The following DIP2C variants were observed in gnomAD, a reference collection of about 807,000 sequenced individuals.
DIP2C encodes disco-interacting protein 2 homolog C.
DIP2C carries 33 observed loss-of-function variants against 192.4 expected under a neutral mutation model. That is an observed-to-expected ratio of 0.17 (90% CI 0.13 to 0.23). The LOEUF is 0.23. Among genes scored for constraint, DIP2C ranks in the 10% least tolerant of loss-of-function variants. The pLI is 1.00. For missense variants in DIP2C, 1,537 were observed against 2,110.1 expected (o/e 0.73, Z 5.32); for synonymous variants, 979 against 864.1 (o/e 1.13, Z -2.33).
intron 2 of DIP2C, among the ~76,000 whole-genome samples, chr10:482,190 G>A (rs1055024011): frequency 7.2e-5 from 11 of 152,144 alleles, no homozygotes; most frequent in Non-Finnish European, 2.9e-5. Context: ...CATGGCTGTC[G>A]GGAGGGACAG....
chr10:608,160 C>CA (rs1852666548), intron 1 of DIP2C, among the ~76,000 whole-genome samples: 1 of 54,236 alleles, frequency 1.8e-5, no homozygotes, highest in Non-Finnish European at 2.9e-5. Flanking sequence ...ACACACACCC[C>CA]CACAGCCCCC....
chr10:586,431 A>AC (rs1396051492), intron 1 of DIP2C, among the ~76,000 whole-genome samples: 1 of 151,764 alleles, frequency 6.6e-6, no homozygotes, highest in African/African-American at 2.4e-5. Flanking sequence ...TCACGCCACC[A>AC]CCCCTCACTA....
Position 277,717 on chromosome 10 carries a change from G to A in DIP2C, c.4419-140C>T, listed in dbSNP as rs1295369511. ...CTCCTCCGGCCTCTCCACGTCCTCC[G>A]TCTGCCGCCCACTAATCGTTCCCCA... is the stretch of plus-strand genomic sequence containing the variant. On this transcript the variant is annotated intron_variant, in intron 36 of 36. Transcript: ENST00000280886. The A allele has an allele frequency of 4.3e-6, 5 of 1,173,254 alleles. No homozygotes were observed. The African/African-American group carries it at 4.7e-5, about 11-fold the overall frequency. 72.7% of individuals were successfully genotyped at this position (1,173,254 alleles called of 1,614,324 possible). A position where few individuals can be genotyped will look rare whatever the true frequency, so the allele number is the denominator to read the frequency against.
chr10:319,611 A>G (rs757866865), intron 31 of DIP2C, among the ~76,000 whole-genome samples: 2 of 152,226 alleles, frequency 1.3e-5, no homozygotes, highest in East Asian at 3.8e-4. Context: ...TTTCCAAATA[A>G]TAAGTGACAC....
chr10:647,522 C>T (rs368133647), intron 1 of DIP2C, among the ~76,000 whole-genome samples: 3 of 150,930 alleles, frequency 2.0e-5, no homozygotes, highest in South Asian at 4.2e-4. Flanking sequence ...ACTGAGTCCA[C>T]GTCCACATTG....
chr10:513,658 A>C (rs940059476), intron 1 of DIP2C, among the ~76,000 whole-genome samples: 1 of 152,192 alleles, frequency 6.6e-6, no homozygotes, highest in Non-Finnish European at 1.5e-5. Flanking sequence ...GAAGGAAATG[A>C]AAAGTAGATA....
chr10:281,893 A>G (rs1954850548), intron 35 of DIP2C: 1 of 152,380 alleles, frequency 6.6e-6, no homozygotes, highest in Admixed American at 6.5e-5. Context: ...AAACCTCAGA[A>G]TAATGACAAT....
intron 1 of DIP2C, among the ~76,000 whole-genome samples, chr10:561,579 G>T (rs1415153202): frequency 6.6e-6 from 1 of 152,156 alleles, no homozygotes; most frequent in East Asian, 1.9e-4. Context: ...GAACAGGATG[G>T]TTCTCAGCCA....
chr10:638,885 G>C (rs114532851), intron 1 of DIP2C, among the ~76,000 whole-genome samples: 2 of 152,198 alleles, frequency 1.3e-5, no homozygotes, highest in Admixed American at 6.5e-5. Context: ...TTCCGCCTCC[G>C]GGCCCTTTTG....
chr10:621,356 C>T (rs1853835267), intron 1 of DIP2C, among the ~76,000 whole-genome samples: 1 of 151,540 alleles, frequency 6.6e-6, no homozygotes, highest in Non-Finnish European at 1.5e-5. Flanking sequence ...TACATGCTCA[C>T]GAGTCTGTGC....
intron 29 of DIP2C, among the ~76,000 whole-genome samples, chr10:340,277 T>C (rs1345413274): frequency 6.6e-6 from 1 of 152,080 alleles, no homozygotes; most frequent in Non-Finnish European, 1.5e-5. Context: ...TTAACATATA[T>C]TTATTCATAA....
chr10:354,019 AGTGTGCATAC>A (rs1229863742), intron 24 of DIP2C, among the ~76,000 whole-genome samples: 1 of 152,228 alleles, frequency 6.6e-6, no homozygotes, highest in African/African-American at 2.4e-5. Flanking sequence ...GCATCTCTTC[AGTGTGCATAC>A]GAGGCAGCAG....
intron 29 of DIP2C, among the ~76,000 whole-genome samples, chr10:335,868 A>T (rs1265510206): frequency 6.6e-6 from 1 of 152,086 alleles, no homozygotes; most frequent in Non-Finnish European, 1.5e-5. Context: ...TAGTTGGAAA[A>T]TTTCCTATTT....
intron 3 of DIP2C, 191 bp from the exon 4 acceptor site, chr10:441,187 C>G: frequency 1.6e-6 from 1 of 625,784 alleles, no homozygotes; most frequent in Non-Finnish European, 2.6e-6. Flanking sequence ...GACTTTTAAT[C>G]ATTTATTTTA....
At chr10:349,686 G>A (rs563058121) in intron 24 of DIP2C, among the ~76,000 whole-genome samples, 2 of 152,286 alleles carry the variant, frequency 1.3e-5, no homozygotes, top group Admixed American at 1.3e-4. Flanking sequence ...GGTAAGCAGT[G>A]CAGACCAAAG....
intron 36 of DIP2C, among the ~76,000 whole-genome samples, chr10:279,922 G>A (rs554196697): frequency 1.3e-5 from 2 of 152,364 alleles, no homozygotes; most frequent in South Asian, 2.1e-4. Context: ...GAAAATGCTT[G>A]AGGGAGGTCA....
intron 1 of DIP2C, among the ~76,000 whole-genome samples, chr10:585,989 GTC>G (rs1173464133): frequency 1.3e-5 from 2 of 152,152 alleles, no homozygotes. Flanking sequence ...TTCTTGCAGT[GTC>G]TCAACGGGCC....
At chr10:534,395 G>T (rs1847580716) in intron 1 of DIP2C, among the ~76,000 whole-genome samples, 1 of 152,226 alleles carries the variant, frequency 6.6e-6, no homozygotes, top group Admixed American at 6.5e-5. Flanking sequence ...GCTAGTCACA[G>T]ATGGCAAATG....
At chr10:675,805 T>C (rs4369323) in intron 1 of DIP2C, among the ~76,000 whole-genome samples, 136,442 of 152,168 alleles carry the variant, frequency 0.9, 61,929 homozygotes, top group South Asian at 0.97. Context: ...AAAGAAAACC[T>C]CAGGACTAGG....
Sources: gnomAD v4.1 joint callset for allele counts (sites outside exome capture counted in the v4.1 genomes callset) on GRCh38, gnomAD v4.1.1 for gene constraint, MANE v1.5 for transcripts, NCBI Gene and HGNC (gene_info 2026-07-23, HGNC 2026-07-21) for gene names.